The following PRELID2 variants were observed in gnomAD, a reference collection of about 807,000 sequenced individuals.
PRELID2 encodes PRELI domain-containing protein 2.
PRELID2 carries 25 observed loss-of-function variants against 28.4 expected under a neutral mutation model. The ratio of observed to expected loss-of-function variants is 0.88; its 90% CI spans 0.64 to 1.23. The LOEUF (loss-of-function observed/expected upper bound fraction) is 1.23. PRELID2 is among the 50% of genes most tolerant of loss of function. The pLI, the probability that PRELID2 is intolerant of heterozygous loss-of-function variation, is 0.00. For missense variants in PRELID2, 201 were observed against 214.4 expected (o/e 0.94, Z 0.39); for synonymous variants, 76 against 71.6 (o/e 1.06, Z -0.31).
the PRELID2 span, among the ~76,000 whole-genome samples, chr5:145,289,157 A>G: frequency 6.6e-6 from 1 of 152,012 alleles, no homozygotes; most frequent in East Asian, 1.9e-4. Flanking sequence ...TTTAATGTGC[A>G]TACATCAGGA....
At chr5:145,436,582 C>T in the PRELID2 span, among the ~76,000 whole-genome samples, 1 of 152,122 alleles carries the variant, frequency 6.6e-6, no homozygotes, top group Non-Finnish European at 1.5e-5. Context: ...CTCTACCTCG[C>T]CAGCATTTGT....
At chr5:145,353,265 C>G in the PRELID2 span, among the ~76,000 whole-genome samples, 1 of 152,154 alleles carries the variant, frequency 6.6e-6, no homozygotes, top group Non-Finnish European at 1.5e-5. Flanking sequence ...TGAGACCAGC[C>G]TGGCCAACAT....
At chr5:145,528,016 A>G (rs945827091) in intron 1 of PRELID2, among the ~76,000 whole-genome samples, 1 of 151,996 alleles carries the variant, frequency 6.6e-6, no homozygotes, top group Non-Finnish European at 1.5e-5. Flanking sequence ...ATTATGTCCC[A>G]TCTCCCAGCG....
At chr5:145,230,300 A>G in the PRELID2 span, among the ~76,000 whole-genome samples, 5 of 152,162 alleles carry the variant, frequency 3.3e-5, no homozygotes, top group African/African-American at 9.7e-5. Context: ...AAGGCAGGGC[A>G]CAGTGGCTCA....
chr5:145,468,487 G>A (rs551414287), downstream of PRELID2, among the ~76,000 whole-genome samples: 5 of 152,164 alleles, frequency 3.3e-5, no homozygotes, highest in Admixed American at 6.6e-5. Flanking sequence ...TTGAGGAATC[G>A]CCACACTGTT....
At chr5:145,235,772 C>A in the PRELID2 span, among the ~76,000 whole-genome samples, 3 of 152,024 alleles carry the variant, frequency 2.0e-5, no homozygotes, top group African/African-American at 7.2e-5. Context: ...TAGCAGGAAA[C>A]ATATCCCAGG....
At chr5:145,641,897 CT>C (rs1428377602) in intron 1 of PRELID2, among the ~76,000 whole-genome samples, 2 of 152,212 alleles carry the variant, frequency 1.3e-5, no homozygotes, top group African/African-American at 4.8e-5. Flanking sequence ...GCCACATTTT[CT>C]TTATCCAATC....
At chr5:145,323,437 TGGCCACTGTGTAGAGAATGTATTTTTAA>T in the PRELID2 span, among the ~76,000 whole-genome samples, 1 of 152,230 alleles carries the variant, frequency 6.6e-6, no homozygotes, top group African/African-American at 2.4e-5. Context: ...AAGACGTCTC[TGGCCACTGTGTAGAGAATGTATTTTTAA>T]AAAAACACTT....
chr5:145,264,075 G>T, the PRELID2 span, among the ~76,000 whole-genome samples: 1 of 152,066 alleles, frequency 6.6e-6, no homozygotes, highest in African/African-American at 2.4e-5. Context: ...GATATTCAAA[G>T]AAGTATTGGC....
At chr5:145,480,462 T>A (rs1752147761) in intron 1 of PRELID2, among the ~76,000 whole-genome samples, 1 of 152,148 alleles carries the variant, frequency 6.6e-6, no homozygotes, top group Non-Finnish European at 1.5e-5. Context: ...TCTCAAAACC[T>A]TCATTGTGCT....
At chr5:145,581,546 C>A (rs957312389) in intron 1 of PRELID2, among the ~76,000 whole-genome samples, 10 of 152,032 alleles carry the variant, frequency 6.6e-5, no homozygotes, top group African/African-American at 2.4e-4. Context: ...TTGGTGCCTG[C>A]CAGGTCATAT....
At chr5:145,287,460 G>A in the PRELID2 span, among the ~76,000 whole-genome samples, 61,458 of 151,882 alleles carry the variant, frequency 0.4, 13,614 homozygotes, top group African/African-American at 0.59. Flanking sequence ...GAAAAAAGGG[G>A]TGGAGTGAGA....
At chr5:145,710,581 G>A (rs146146755) in intron 1 of PRELID2, among the ~76,000 whole-genome samples, 47 of 152,216 alleles carry the variant, frequency 3.1e-4, no homozygotes, top group African/African-American at 1.0e-3. Flanking sequence ...AACAGAGAAC[G>A]AACTATTCTC....
chr5:145,625,989 G>T (rs1185505746), intron 1 of PRELID2, among the ~76,000 whole-genome samples: 1 of 152,120 alleles, frequency 6.6e-6, no homozygotes, highest in Non-Finnish European at 1.5e-5. Context: ...GCAGAAGATT[G>T]AAACTGGACC....
chr5:145,591,410 A>G (rs1335737485), intron 1 of PRELID2, among the ~76,000 whole-genome samples: 2 of 152,174 alleles, frequency 1.3e-5, no homozygotes, highest in South Asian at 4.1e-4. Flanking sequence ...ATAAAGCAAA[A>G]TTTTTAATAT....
At chr5:145,816,139 A>G (rs1198792504) in intron 4 of PRELID2, among the ~76,000 whole-genome samples, 1 of 128,044 alleles carries the variant, frequency 7.8e-6, no homozygotes, top group East Asian at 2.3e-4. Flanking sequence ...CTAGAGTGCC[A>G]TGGTGCGATC....
chr5:145,713,980 A>C (rs552513644), intron 1 of PRELID2, among the ~76,000 whole-genome samples: 58 of 152,058 alleles, frequency 3.8e-4, no homozygotes, highest in Middle Eastern at 3.4e-3. Flanking sequence ...ATTTTCACAT[A>C]AACAAAAACT....
the PRELID2 span, among the ~76,000 whole-genome samples, chr5:145,399,674 T>C: frequency 6.6e-6 from 1 of 152,152 alleles, no homozygotes; most frequent in African/African-American, 2.4e-5. Context: ...CTGCATTAAT[T>C]ACTCCGTTTT....
the PRELID2 span, among the ~76,000 whole-genome samples, chr5:145,299,282 AT>A: frequency 6.6e-6 from 1 of 152,102 alleles, no homozygotes; most frequent in Admixed American, 6.6e-5. Context: ...TAGTATTAAG[AT>A]TTTTAATTGT....
Sources: allele counts gnomAD v4.1 joint callset (sites outside exome capture counted in the v4.1 genomes callset), GRCh38; gene constraint gnomAD v4.1.1; transcripts MANE v1.5; gene names NCBI Gene and HGNC (gene_info 2026-07-23, HGNC 2026-07-21).